Variants in MXRA8 observed in about 807,000 individuals in gnomAD.
The protein encoded by MXRA8 is matrix remodeling-associated protein 8.
A neutral mutation model predicts 51.4 loss-of-function variants in MXRA8; 44 were observed. That is an observed-to-expected ratio of 0.86 (90% CI 0.67 to 1.10). The LOEUF is 1.10. Ranked by LOEUF, MXRA8 falls within the 50% of genes least tolerant of loss-of-function variation. MXRA8 has a pLI of 0.00. For missense variants in MXRA8, 765 were observed against 638.9 expected (o/e 1.20, Z -2.13); for synonymous variants, 369 against 293.5 (o/e 1.26, Z -2.63).
intron 9 of MXRA8, 76 bp downstream of exon 9, chr1:1,353,772 C>A: frequency 6.7e-7 from 1 of 1,486,632 alleles, no homozygotes; most frequent in Non-Finnish European, 9.0e-7. Context: ...TGGTGCCTGC[C>A]ATCGTTGGTC....
At chr1:1,358,812 T>C, upstream of MXRA8, 1 of 1,138,830 alleles carries the variant, frequency 8.8e-7, no homozygotes, top group Middle Eastern at 3.6e-4. Flanking sequence ...TGATACCACG[T>C]GATCGTGTCT....
At chr1:1,353,663 G>A (rs146120010) in intron 9 of MXRA8, 34 bp from the exon 10 acceptor site, 3 of 1,549,010 alleles carry the variant, frequency 1.9e-6, no homozygotes, top group Admixed American at 3.8e-5. Context: ...GTTGGCGGCT[G>A]TCCTCCACCC....
At chr1:1,362,456 G>A (rs113215849), upstream of MXRA8, among the ~76,000 whole-genome samples, 3,172 of 152,038 alleles carry the variant, frequency 0.021, 108 homozygotes, top group African/African-American at 0.071. Context: ...TAGGCCCCAG[G>A]GCCACCTTCT....
At chr1:1,358,205 G>C (rs752997598) in intron 1 of MXRA8, among the ~76,000 whole-genome samples, 1 of 152,212 alleles carries the variant, frequency 6.6e-6, no homozygotes, top group Non-Finnish European at 1.5e-5. Context: ...AGACGCCGCC[G>C]TGCCTGGGCC....
Position 1,353,579 on chromosome 1 carries a change from G to C in MXRA8, c.*25C>G, listed in dbSNP as rs1274994303. Reference sequence around the variant, plus strand: ...ACAGACAGGAGAGGTGCAGCTGCTGGCCCAGCCAGGAGCCCAGGGCCTCCC... The same window carrying C: ...ACAGACAGGAGAGGTGCAGCTGCTGCCCCAGCCAGGAGCCCAGGGCCTCCC... On this transcript the variant is annotated 3_prime_UTR_variant, in exon 10 of 10. Transcript: ENST00000309212. 9 of 1,557,444 alleles carry C rather than the reference G, an allele frequency of 5.8e-6. No homozygotes were observed. The highest frequency in any genetic ancestry group is 7.0e-6 in the Non-Finnish European group (8 of 1,150,208).
chr1:1,355,226 CG>C lies in MXRA8; in HGVS notation c.478+17del, dbSNP rs748325719. On this transcript the variant is annotated intron_variant, in intron 4 of 9. Coordinates refer to ENST00000309212, the MANE Select transcript of MXRA8 (RefSeq NM_032348.4). ...GGGTCGAGGGGCGGGAGCTGGGGGG[CG>C]GGGGGGAAGCACTCACGGCCGTCGG... 194 of 664,440 alleles carry C rather than the reference CG, an allele frequency of 2.9e-4. No individual in the cohort carries two copies. Among genetic ancestry groups the C allele is most frequent in the Non-Finnish European group, 3.8e-4 (172 of 457,898 alleles). The allele number at this position is 664,440 out of a possible 1,614,324, so 41.2% of individuals were successfully genotyped here. A position where few individuals can be genotyped will look rare whatever the true frequency, so the allele number is the denominator to read the frequency against.
chr1:1,359,479 A>G, upstream of MXRA8: 1 of 985,494 alleles, frequency 1.0e-6, no homozygotes, highest in Non-Finnish European at 1.2e-6. Flanking sequence ...CACAACCACT[A>G]GAAACCCTCA....
intron 1 of MXRA8, among the ~76,000 whole-genome samples, chr1:1,357,782 C>T (rs573071202): frequency 6.6e-6 from 1 of 152,282 alleles, no homozygotes; most frequent in South Asian, 2.1e-4. Context: ...TGCACTGCAG[C>T]CTCCTTGGCG....
At chr1:1,353,704 C>A in intron 9 of MXRA8, 75 bp from the exon 10 acceptor site, 1 of 1,495,502 alleles carries the variant, frequency 6.7e-7, no homozygotes, top group Non-Finnish European at 9.1e-7. Context: ...GGGCAGACCC[C>A]CCCGCAGGAC....
At chr1:1,359,650 G>T, upstream of MXRA8, 1 of 890,412 alleles carries the variant, frequency 1.1e-6, no homozygotes, top group Non-Finnish European at 1.3e-6. Context: ...GGCGAGGGGA[G>T]GGGAACCTGC....
At chr1:1,359,880 C>T (rs115567783), upstream of MXRA8, among the ~76,000 whole-genome samples, 1 of 152,188 alleles carries the variant, frequency 6.6e-6, no homozygotes, top group Non-Finnish European at 1.5e-5. Context: ...GCCTCGAGGC[C>T]TCTGCTGGCC....
rs377351163 is a variant in MXRA8, at chr1:1,353,649, A to G, written c.1304-20T>C. ...GGAACCCTGGAAGCCAAGGGCGCCA[A>G]CGGGTTGGCGGCTGTCCTCCACCCT... On this transcript the variant is annotated intron_variant, in intron 9 of 9. Transcript: ENST00000309212. The G allele has an allele frequency of 7.0e-5, 110 of 1,562,580 alleles. 1 individual carries two copies. The highest frequency in any genetic ancestry group is 5.0e-4 in the Middle Eastern group (3 of 5,964).
At position 1,355,720 on chromosome 1, in the gene MXRA8, C is replaced by T; in HGVS notation, c.106G>A (p.Val36Met). ...CAGCTCACCGCGGACTCGGACACCACGGAGCTGCCAGCAGCGGCGGGTACC... is the reference window on the plus strand; with the variant it reads ...CAGCTCACCGCGGACTCGGACACCATGGAGCTGCCAGCAGCGGCGGGTACC... ...SSVPAAAGSSVVSESAVSWEA... is the reference protein window; with the variant it reads ...SSVPAAAGSSMVSESAVSWEA... The change falls in exon 3 of 10, where the codon GTG (valine) becomes ATG (methionine). Residue 36 changes from valine to methionine, a missense_variant. Transcript: ENST00000309212. 5 of 1,322,856 alleles carry T rather than the reference C, an allele frequency of 3.8e-6. No individual in the cohort carries two copies. Among genetic ancestry groups the T allele is most frequent in the Non-Finnish European group, 4.8e-6 (5 of 1,042,644 alleles). 81.9% of individuals were successfully genotyped at this position (1,322,856 alleles called of 1,614,324 possible).
upstream of MXRA8, among the ~76,000 whole-genome samples, chr1:1,360,497 C>CGTTGGGGG: frequency 2.2e-4 from 1 of 4,626 alleles, no homozygotes; most frequent in South Asian, 6.1e-3. Flanking sequence ...AGCCTCTGCT[C>CGTTGGGGG]GCTGGGGGGT....
upstream of MXRA8, chr1:1,361,833 G>T (rs2649610): frequency 2.0e-3 from 313 of 160,032 alleles, 11 homozygotes; most frequent in South Asian, 0.053. Flanking sequence ...GTGAGGCTTC[G>T]GCACCAGGAA....
rs1644111757 is a variant in MXRA8 at position 1,355,703 on chromosome 1, C to T, written c.123G>A (p.Ala41=). 3 of 1,336,842 alleles carry T rather than the reference C, an allele frequency of 2.2e-6. No homozygotes were observed. The highest frequency in any genetic ancestry group is 1.5e-5 in the African/African-American group (1 of 65,156). The allele number at this position is 1,336,842 out of a possible 1,614,324, so 82.8% of individuals were successfully genotyped here. The part of the protein sequence containing the change: ...AAGSSVVSES[A]VSWEAGARAV... Reference sequence around the variant, plus strand: ...CCCGGGCGCCCGCCTCCCAGCTCACCGCGGACTCGGACACCACGGAGCTGC... The same window carrying T: ...CCCGGGCGCCCGCCTCCCAGCTCACTGCGGACTCGGACACCACGGAGCTGC... Residue 41 remains alanine (A), a synonymous_variant, in exon 3 of 10, where the codon GCG becomes GCA. Transcript: ENST00000309212.
chr1:1,360,301 C>T (rs1449309936), upstream of MXRA8, among the ~76,000 whole-genome samples: 4 of 152,330 alleles, frequency 2.6e-5, no homozygotes, highest in East Asian at 3.9e-4. Flanking sequence ...AGCTGACCCC[C>T]ATGGGGCCCT....
rs775227208 is a variant in MXRA8, at chr1:1,354,925, GC to G, written c.705del (p.Leu237PhefsTer53). On this transcript the variant is annotated frameshift_variant, in exon 5 of 10. Transcript: ENST00000309212. LOFTEE classifies it high-confidence loss of function. ...LYASGERRAY[G>X]PLFLRDRVAV... ...GCCACGCGGTCGCGCAGAAAAAGGG[GC>G]CCGTAGGCGCGGCGCTCGCCCGACG... 6.2e-7 allele frequency: 1 copy of G among 1,606,180 alleles called. No individual in the cohort carries two copies. The highest frequency in any genetic ancestry group is 1.7e-5 in the Admixed American group (1 of 59,284).
intron 1 of MXRA8, 149 bp from the exon 2 acceptor site, chr1:1,356,853 C>G (rs975471626): frequency 3.3e-6 from 2 of 613,028 alleles, no homozygotes; most frequent in African/African-American, 1.9e-5. Context: ...TCACACAGAC[C>G]TACATAGCCC....
Sources: allele counts gnomAD v4.1 joint callset (sites outside exome capture counted in the v4.1 genomes callset), GRCh38; gene constraint gnomAD v4.1.1; transcripts MANE v1.5; gene names NCBI Gene and HGNC (gene_info 2026-07-23, HGNC 2026-07-21).